Variants in HM13 observed in about 807,000 individuals in gnomAD.
The protein encoded by HM13 is signal peptide peptidase.
A neutral mutation model predicts 50.0 loss-of-function variants in HM13; 18 were observed. The observed-to-expected ratio is 0.36, with a 90% CI of 0.25 to 0.53. HM13 has a LOEUF of 0.53. Ranked by LOEUF, HM13 falls within the 20% of genes least tolerant of loss-of-function variation. HM13 has a pLI of 0.90. For missense variants in HM13, 393 were observed against 552.4 expected (o/e 0.71, Z 2.89); for synonymous variants, 197 against 232.6 (o/e 0.85, Z 1.39).
At position 31,517,001 on chromosome 20, in the gene HM13, C is replaced by T. The variant is rs188619235; in HGVS notation, c.183+2267C>T. On this transcript the variant is annotated intron_variant, in intron 1 of 12. Transcript: ENST00000398174. ...GGGGCAGAATCAGGTATGCCTAGTCCTCATCCAGGGCTCTCTCCTAACACA... is the reference window on the plus strand; with the variant it reads ...GGGGCAGAATCAGGTATGCCTAGTCTTCATCCAGGGCTCTCTCCTAACACA... Among the ~76,000 whole-genome samples the T allele has an allele frequency of 2.0e-5, 3 of 152,274 alleles. No individual in the cohort carries two copies. In the East Asian group the frequency reaches 5.8e-4, roughly 29 times the overall value.
At position 31,545,783 on chromosome 20, in the gene HM13, G is replaced by A. The variant is rs1003430132; in HGVS notation, c.454+748G>A. Among the ~76,000 whole-genome samples the A allele has an allele frequency of 2.0e-5, 3 of 152,168 alleles. No individual in the cohort carries two copies. In the South Asian group the frequency reaches 6.2e-4, roughly 32 times the overall value. ...GTTCTGTCACCCAGGGTGGAGTGCAGTGGTGCGATCTCAGCTCACTGAAAC... is the reference window on the plus strand; with the variant it reads ...GTTCTGTCACCCAGGGTGGAGTGCAATGGTGCGATCTCAGCTCACTGAAAC... On this transcript the variant is annotated intron_variant, in intron 4 of 12. Coordinates refer to ENST00000398174, the MANE Select transcript of HM13 (RefSeq NM_178581.3).
In HM13 at chr20:31,568,207, G is replaced by A. The variant is rs148608370; in HGVS notation, c.1164G>A (p.Pro388=). 8.8e-5 allele frequency: 142 copies of A among 1,612,664 alleles called. No homozygotes were observed. The African/African-American group carries it at 1.3e-3, about 15-fold the overall frequency. The change falls in exon 12 of 13, where the codon CCG becomes CCA. Residue 388 remains proline (P), a synonymous_variant. Transcript: ENST00000398174. ...QKLAGPRRRR[P]QNPSAIYEES... is the part of the protein sequence containing the mutation. The stretch of plus-strand genomic sequence containing the variant: ...TAGCTGGCCCTCGCCGCCGGCGCCC[G>A]CAGAATCCCAGCGCCATGTAATGCC...
chr20:31,566,156 C>CACTG, intron 10 of HM13, 54 bp from the exon 11 acceptor site: 1 of 1,412,752 alleles, frequency 7.1e-7, no homozygotes, highest in Non-Finnish European at 1.0e-6. Flanking sequence ...CTGGGCACGG[C>CACTG]CCTGAGGCAG....
At chr20:31,535,334 A>G (rs1447517461) in intron 2 of HM13, 3 of 152,256 alleles carry the variant, frequency 2.0e-5, no homozygotes, top group Admixed American at 6.5e-5. Flanking sequence ...ATAGAGTTAA[A>G]GGAGAAAATT....
intron 1 of HM13, among the ~76,000 whole-genome samples, chr20:31,518,811 T>G (rs1227289420): frequency 6.6e-6 from 1 of 151,842 alleles, no homozygotes; most frequent in Non-Finnish European, 1.5e-5. Flanking sequence ...TGAGCCCTGA[T>G]TGCACCACTG....
intron 1 of HM13, among the ~76,000 whole-genome samples, 180 bp from the exon 2 acceptor site, chr20:31,527,304 T>G (rs949208550): frequency 3.3e-5 from 5 of 151,308 alleles, no homozygotes; most frequent in African/African-American, 1.2e-4. Flanking sequence ...TGCCACTTCA[T>G]TCCAGCCTGG....
At chr20:31,564,569 C>G (rs1984787062) in intron 10 of HM13, among the ~76,000 whole-genome samples, 2 of 150,998 alleles carry the variant, frequency 1.3e-5, no homozygotes, top group African/African-American at 2.4e-5. Flanking sequence ...AAAGTGAGAC[C>G]CTGTCTCAAA....
chr20:31,522,656 G>A (rs1982244225), intron 1 of HM13, among the ~76,000 whole-genome samples: 1 of 152,002 alleles, frequency 6.6e-6, no homozygotes, highest in South Asian at 2.1e-4. Context: ...TGCTTAAGTG[G>A]TACCTGCTCT....
chr20:31,524,955 C>A (rs112384684), intron 1 of HM13, among the ~76,000 whole-genome samples: 1 of 151,944 alleles, frequency 6.6e-6, no homozygotes, highest in African/African-American at 2.4e-5. Flanking sequence ...CCTCACGATC[C>A]GCCTGCCTCG....
At position 31,554,725 on chromosome 20, in the gene HM13, C is replaced by T. The variant is rs560273010; in HGVS notation, c.725-21C>T. On this transcript the variant is annotated intron_variant, in intron 7 of 12. Transcript: ENST00000398174. ...AAACTGGGCTCCAGCTGACTCCTCA[C>T]ATTCCCGCCTCCCGCTTCAGTGGTG... 1.9e-6 allele frequency: 3 copies of T among 1,606,214 alleles called. No homozygotes were observed. The South Asian group carries it at 3.3e-5, about 18-fold the overall frequency.
At chr20:31,544,678 C>G (rs779179487) in intron 3 of HM13, among the ~76,000 whole-genome samples, 5 of 152,216 alleles carry the variant, frequency 3.3e-5, no homozygotes, top group Non-Finnish European at 5.9e-5. Flanking sequence ...CTTTGCATTT[C>G]TTTGATGTTA....
At chr20:31,556,429 A>G (rs1984319263) in intron 8 of HM13, among the ~76,000 whole-genome samples, 1 of 152,168 alleles carries the variant, frequency 6.6e-6, no homozygotes, top group South Asian at 2.1e-4. Flanking sequence ...TATTATAGCA[A>G]TTCTGATCAC....
intron 9 of HM13, 100 bp downstream of exon 9, chr20:31,559,747 C>A (rs1984508672): frequency 1.8e-6 from 2 of 1,082,520 alleles, no homozygotes; most frequent in East Asian, 2.4e-5. Flanking sequence ...AGACCCTCCA[C>A]CCCCACAGCA....
chr20:31,560,024 G>A (rs551894706), intron 9 of HM13, among the ~76,000 whole-genome samples: 4 of 152,284 alleles, frequency 2.6e-5, no homozygotes, highest in Admixed American at 2.6e-4. Context: ...GACCTCAGTC[G>A]CTCTTGGTTG....
chr20:31,534,426 G>C (rs1318602315), intron 2 of HM13, among the ~76,000 whole-genome samples: 2 of 152,122 alleles, frequency 1.3e-5, no homozygotes. Flanking sequence ...TAGGGCTCAG[G>C]GTAGTACAAG....
chr20:31,566,569 T>G (rs976279512), intron 11 of HM13, among the ~76,000 whole-genome samples: 1 of 152,112 alleles, frequency 6.6e-6, no homozygotes, highest in African/African-American at 2.4e-5. Context: ...ATAGCTGTTG[T>G]GGATTTTTCT....
chr20:31,560,957 C>T (rs1308101685), intron 9 of HM13, among the ~76,000 whole-genome samples: 1 of 152,190 alleles, frequency 6.6e-6, no homozygotes, highest in Non-Finnish European at 1.5e-5. Flanking sequence ...GCAGAGGTTA[C>T]GGAGCTGGCA....
chr20:31,566,888 TCCAACA>T (rs1984951260), intron 11 of HM13, among the ~76,000 whole-genome samples: 1 of 152,086 alleles, frequency 6.6e-6, no homozygotes, highest in South Asian at 2.1e-4. Flanking sequence ...CCTGCGTGAC[TCCAACA>T]GGTGTCTGCC....
chr20:31,520,003 G>A lies in HM13; in HGVS notation c.183+5269G>A, dbSNP rs147992930. Among the ~76,000 whole-genome samples the A allele has an allele frequency of 3.7e-3, 560 of 151,752 alleles. 3 individuals are homozygous for A. Among genetic ancestry groups the A allele is most frequent in the African/African-American group, 0.012 (498 of 41,386 alleles). On this transcript the variant is annotated intron_variant, in intron 1 of 12. Coordinates refer to ENST00000398174, the MANE Select transcript of HM13 (RefSeq NM_178581.3). ...GCTGGGATTACAGGATTACAGGCGC[G>A]CACCCACCACACCTGGCTAATTTTT...
Sources: gnomAD v4.1 joint callset for allele counts (sites outside exome capture counted in the v4.1 genomes callset) on GRCh38, gnomAD v4.1.1 for gene constraint, MANE v1.5 for transcripts, NCBI Gene and HGNC (gene_info 2026-07-23, HGNC 2026-07-21) for gene names.